CTNNA2: variants seen among roughly 807,000 people sequenced by gnomAD.
The protein encoded by CTNNA2 is catenin alpha-2.
Under a neutral mutation model 101.0 loss-of-function variants are expected in CTNNA2, and 42 were observed. That is an observed-to-expected ratio of 0.42 (90% confidence interval 0.32 to 0.54). The LOEUF (loss-of-function observed/expected upper bound fraction) is 0.54, where lower values mean the gene tolerates loss of function less well. Among genes scored for constraint, CTNNA2 ranks in the 20% least tolerant of loss-of-function variants. The probability of loss-of-function intolerance (pLI) is 0.14; values close to 1 mark genes in which losing one functional copy is unlikely to be tolerated. For synonymous variants in CTNNA2, 450 were observed against 456.4 expected, an observed-to-expected ratio of 0.99 and a Z score of 0.18; for missense variants, 871 against 1,223.1, an observed-to-expected ratio of 0.71 and a Z score of 4.29.
chr2:79,464,667 A>G (rs1170654397), intron 4 of CTNNA2, among the ~76,000 whole-genome samples: 1 of 152,048 alleles, frequency 6.6e-6, no homozygotes, highest in Admixed American at 6.6e-5. Flanking sequence ...CTTTTTAATG[A>G]TCGCCATTCT....
intron 15 of CTNNA2, among the ~76,000 whole-genome samples, chr2:80,592,110 A>G (rs1696566047): frequency 6.6e-6 from 1 of 152,212 alleles, no homozygotes; most frequent in South Asian, 2.1e-4. Context: ...TTAGAATCAA[A>G]CTTAAGTTCT....
intron 7 of CTNNA2, among the ~76,000 whole-genome samples, chr2:80,385,912 A>G (rs1431565223): frequency 2.0e-5 from 3 of 152,070 alleles, no homozygotes; most frequent in African/African-American, 7.2e-5. Flanking sequence ...ACTGGTTTGG[A>G]TGTTATTATC....
chr2:79,723,359 A>G (rs1320893530), intron 2 of CTNNA2, among the ~76,000 whole-genome samples: 1 of 152,190 alleles, frequency 6.6e-6, no homozygotes, highest in Non-Finnish European at 1.5e-5. Flanking sequence ...TCCAAATGTA[A>G]ATTGCTTTTC....
chr2:80,581,718 C>G lies in CTNNA2; in HGVS notation c.1906C>G (p.Leu636Val). 1.2e-6 allele frequency: 2 copies of G among 1,608,484 alleles called. No individual in the cohort carries two copies. The highest frequency in any genetic ancestry group is 1.7e-6 in the Non-Finnish European group (2 of 1,175,254). The stretch of plus-strand genomic sequence containing the variant: ...TTTTTGTCTTTAGACCCCAGAAGAA[C>G]TAGAGGATGATTCTGACTTTGAGCA... Reference protein sequence around the residue: ...AVLMIRTPEELEDDSDFEQED... With the variant: ...AVLMIRTPEEVEDDSDFEQED... The change falls in exon 14 of 19, where the codon CTA (leucine) becomes GTA (valine). Residue 636 changes from leucine to valine, a missense_variant. Transcript: ENST00000402739.
At chr2:79,576,257 A>G (rs1334107054) in intron 1 of CTNNA2, among the ~76,000 whole-genome samples, 2 of 152,244 alleles carry the variant, frequency 1.3e-5, no homozygotes, top group African/African-American at 2.4e-5. Context: ...TTAGAAATCA[A>G]TCGAATTTAC....
intron 7 of CTNNA2, among the ~76,000 whole-genome samples, chr2:80,388,214 A>G (rs563264429): frequency 3.9e-5 from 6 of 152,338 alleles, no homozygotes; most frequent in South Asian, 4.1e-4. Context: ...GGTGCTGGTC[A>G]GATACTAATG....
At chr2:79,852,891 C>G (rs10199736) in intron 3 of CTNNA2, among the ~76,000 whole-genome samples, 90,220 of 151,816 alleles carry the variant, frequency 0.59, 27,216 homozygotes, top group East Asian at 0.73. Flanking sequence ...CGCACAGCCG[C>G]AGTTTAACCC....
Position 79,307,780 on chromosome 2 carries a change from T to C in CTNNA2, c.-405-4929T>C, listed in dbSNP as rs372347918. Among the ~76,000 whole-genome samples, 11 of 152,336 alleles carry C rather than the reference T, an allele frequency of 7.2e-5. No individual in the cohort carries two copies. In the East Asian group the frequency reaches 1.7e-3, roughly 24 times the overall value. ...CATATGGTAGTTCTATTTGTAGAATTTGAGGAACCTCCATACTGTTCTTCA... is the reference window on the plus strand; with the variant it reads ...CATATGGTAGTTCTATTTGTAGAATCTGAGGAACCTCCATACTGTTCTTCA... On this transcript the variant is annotated intron_variant, in intron 2 of 21. Coordinates refer to the CTNNA2 transcript ENST00000466387.
intron 7 of CTNNA2, among the ~76,000 whole-genome samples, chr2:80,095,682 C>T (rs1398760742): frequency 6.6e-6 from 1 of 152,094 alleles, no homozygotes; most frequent in Non-Finnish European, 1.5e-5. Context: ...AATTTCAGAG[C>T]CTGTTACTGG....
At chr2:80,063,176 T>G (rs1697729928) in intron 7 of CTNNA2, among the ~76,000 whole-genome samples, 1 of 152,218 alleles carries the variant, frequency 6.6e-6, no homozygotes, top group South Asian at 2.1e-4. Flanking sequence ...CTGTGAAATC[T>G]TCTCCTCTTC....
At chr2:80,139,170 T>C (rs1166682114) in intron 7 of CTNNA2, among the ~76,000 whole-genome samples, 2 of 152,166 alleles carry the variant, frequency 1.3e-5, no homozygotes, top group Non-Finnish European at 2.9e-5. Flanking sequence ...ATTTATCACT[T>C]GCCTCCCCAA....
At chr2:80,501,878 T>C (rs755759688) in intron 9 of CTNNA2, among the ~76,000 whole-genome samples, 2 of 152,180 alleles carry the variant, frequency 1.3e-5, no homozygotes, top group African/African-American at 2.4e-5. Flanking sequence ...GAAAGGAATC[T>C]ACAGGGAGTT....
intron 4 of CTNNA2, among the ~76,000 whole-genome samples, chr2:79,449,090 A>G (rs1428295151): frequency 6.6e-6 from 1 of 151,998 alleles, no homozygotes; most frequent in African/African-American, 2.4e-5. Context: ...CAGTGTTTTA[A>G]GAAAGGGATT....
rs145289239 is a variant in CTNNA2 at position 79,714,276 on chromosome 2, A to G, written c.103-30111A>G. 1.1e-3 allele frequency among the ~76,000 whole-genome samples: 169 copies of G among 152,178 alleles called. 2 individuals carry two copies. In the South Asian group the frequency reaches 0.014, roughly 13 times the overall value. ...CTACAGTACTGAACACTTAACAATT[A>G]TTGAGATGATATATTTAACATTATG... On this transcript the variant is annotated intron_variant, in intron 2 of 18. Transcript: ENST00000402739.
chr2:80,287,373 A>G (rs889661649), intron 7 of CTNNA2, among the ~76,000 whole-genome samples: 39 of 152,172 alleles, frequency 2.6e-4, no homozygotes, highest in African/African-American at 9.4e-4. Context: ...GCTGTCACAT[A>G]TACTACTTTA....
chr2:79,817,449 G>A (rs1411548586), intron 3 of CTNNA2, among the ~76,000 whole-genome samples: 1 of 149,046 alleles, frequency 6.7e-6, no homozygotes, highest in Admixed American at 6.9e-5. Flanking sequence ...TCAGGCTCTC[G>A]TATTTCCAGT....
At chr2:80,278,930 A>T (rs1016621593) in intron 7 of CTNNA2, among the ~76,000 whole-genome samples, 1 of 151,998 alleles carries the variant, frequency 6.6e-6, no homozygotes, top group African/African-American at 2.4e-5. Context: ...GTACCACTGC[A>T]CTCTAGCCTG....
intron 3 of CTNNA2, among the ~76,000 whole-genome samples, chr2:79,348,173 A>C (rs936523549): frequency 3.3e-5 from 5 of 152,206 alleles, no homozygotes; most frequent in Admixed American, 6.5e-5. Flanking sequence ...CTATGAAAAC[A>C]GTACTCTATC....
At chr2:79,794,226 A>C (rs1675515631) in intron 3 of CTNNA2, among the ~76,000 whole-genome samples, 1 of 152,206 alleles carries the variant, frequency 6.6e-6, no homozygotes, top group Non-Finnish European at 1.5e-5. Flanking sequence ...TAAATGAGAA[A>C]GCAGATATAG....
Sources: gnomAD v4.1 joint callset for allele counts (sites outside exome capture counted in the v4.1 genomes callset) on GRCh38, gnomAD v4.1.1 for gene constraint, MANE v1.5 for transcripts, NCBI Gene and HGNC (gene_info 2026-07-23, HGNC 2026-07-21) for gene names.